FAAH2: variants seen among roughly 807,000 people sequenced by gnomAD.
FAAH2 encodes the protein fatty acid amide hydrolase 2, also known as fatty-acid amide hydrolase 2.
In FAAH2, 60 loss-of-function variants were observed where a neutral mutation model predicts 36.9. The ratio of observed to expected loss-of-function variants is 1.63; its 90% CI spans 1.32 to 2.02. FAAH2 has a LOEUF of 2.02. FAAH2 is among the 30% of genes most tolerant of loss of function. FAAH2 has a pLI of 0.00. For synonymous variants in FAAH2, 214 were observed against 143.8 expected (o/e 1.49, Z -3.49); for missense variants, 689 against 397.5 (o/e 1.73, Z -6.23).
intron 4 of FAAH2, among the ~76,000 whole-genome samples, chrX:57,339,824 G>C (rs1390591285): frequency 8.9e-6 from 1 of 111,986 alleles, no homozygotes; most frequent in Non-Finnish European, 1.9e-5. Context: ...TTCAACCTTT[G>C]TGGAAGACAG....
At chrX:57,223,207 C>T in the FAAH2 span, among the ~76,000 whole-genome samples, 4 of 111,636 alleles carry the variant, frequency 3.6e-5, no homozygotes, top group African/African-American at 1.3e-4. Context: ...TTGCAGGGGC[C>T]ACCAAACCCC....
In FAAH2 at chrX:57,393,403, A is replaced by G. The variant is rs1231199594; in HGVS notation, c.996+12374A>G. ...GACCGGAATACTGGGATTTGATGTT[A>G]AGAAACTTTTCTATTCCAATGTCTG... On this transcript the variant is annotated intron_variant, in intron 7 of 10. Transcript: ENST00000374900. The G allele has an allele frequency of 6.6e-6, 5 of 761,817 alleles. No homozygotes were observed. The African/African-American group carries it at 1.0e-4, about 16-fold the overall frequency. 62.8% of individuals were successfully genotyped at this position (761,817 alleles called of 1,213,427 possible).
At chrX:57,226,558 G>T in the FAAH2 span, among the ~76,000 whole-genome samples, 1 of 111,697 alleles carries the variant, frequency 9.0e-6, no homozygotes, top group Non-Finnish European at 1.9e-5. Context: ...GTTTCCTGGT[G>T]CTTCTGTCTC....
At chrX:57,350,354 C>T (rs769742883) in intron 5 of FAAH2, among the ~76,000 whole-genome samples, 16 of 109,809 alleles carry the variant, frequency 1.5e-4, no homozygotes, top group Non-Finnish European at 2.5e-4. Flanking sequence ...ATAGAACTCA[C>T]TAGAAAAGCA....
intron 10 of FAAH2, among the ~76,000 whole-genome samples, chrX:57,450,438 A>G (rs963960125): frequency 3.6e-5 from 4 of 111,545 alleles, no homozygotes; most frequent in African/African-American, 1.3e-4. Context: ...ATTCAGTTGT[A>G]TTCTATCTGA....
intron 10 of FAAH2, among the ~76,000 whole-genome samples, chrX:57,478,913 A>T (rs1475015843): frequency 9.0e-6 from 1 of 111,638 alleles, no homozygotes; most frequent in Non-Finnish European, 1.9e-5. Context: ...GTTTGAAGTC[A>T]GGTAGCATGA....
chrX:57,485,788 T>A (rs944180584), intron 10 of FAAH2, among the ~76,000 whole-genome samples: 36 of 112,233 alleles, frequency 3.2e-4, no homozygotes, highest in African/African-American at 1.1e-3. Flanking sequence ...TTTTAAAAAA[T>A]TATTTGTAAT....
Position 57,432,032 on chromosome X carries a change from G to T in FAAH2, c.1111G>T (p.Gly371Trp). The T allele has an allele frequency of 1.7e-6, 2 of 1,194,486 alleles. No homozygotes were observed. The highest frequency in any genetic ancestry group is 2.3e-6 in the Non-Finnish European group (2 of 886,317). ...IAMMSAKGHD[G>W]KEPVKFVDLL... is the part of the protein sequence containing the mutation. ...AATGATGTCAGCAAAGGGACATGAT[G>T]GGAAGGTATTTTTACCTCTTTCTTT... The change falls in exon 8 of 11, where the codon GGG becomes TGG. Residue 371 changes from glycine (G) to tryptophan (W), a missense_variant. Coordinates refer to ENST00000374900, the MANE Select transcript of FAAH2 (RefSeq NM_174912.4).
In FAAH2 at chrX:57,352,099, T is replaced by TATATATGTGTATATATATGCAC. The variant is rs2054033478; in HGVS notation, c.742+10715_742+10716insGTGTATATATATGCACATATAT. Among the ~76,000 whole-genome samples, 94 of 14,735 alleles carry TATATATGTGTATATATATGCAC rather than the reference T, an allele frequency of 6.4e-3. 4 individuals carry two copies. Among genetic ancestry groups the TATATATGTGTATATATATGCAC allele is most frequent in the African/African-American group, 0.028 (91 of 3,255 alleles). The allele number at this position is 14,735 out of a possible 115,157, so 12.8% of individuals were successfully genotyped here. The stretch of plus-strand genomic sequence containing the variant: ...ATATATGTGTATATATATGCACATA[T>TATATATGTGTATATATATGCAC]ATATATATGTGTATATATATGCACA... On this transcript the variant is annotated intron_variant, in intron 5 of 10. Coordinates refer to ENST00000374900, the MANE Select transcript of FAAH2 (RefSeq NM_174912.4).
intron 7 of FAAH2, among the ~76,000 whole-genome samples, chrX:57,426,996 T>G (rs1386318342): frequency 9.0e-6 from 1 of 111,110 alleles, no homozygotes; most frequent in Non-Finnish European, 1.9e-5. Flanking sequence ...GAACTCTCTC[T>G]AGAATAACCA....
intron 4 of FAAH2, among the ~76,000 whole-genome samples, chrX:57,338,488 T>C (rs934096738): frequency 2.7e-5 from 3 of 111,770 alleles, no homozygotes; most frequent in Admixed American, 9.5e-5. Flanking sequence ...GATTCTTCAG[T>C]TACTTCAGGC....
At chrX:57,435,767 T>C (rs1433740336) in intron 8 of FAAH2, among the ~76,000 whole-genome samples, 1 of 110,976 alleles carries the variant, frequency 9.0e-6, no homozygotes, top group East Asian at 2.8e-4. Context: ...AACTGCGCAC[T>C]CACAGCATTA....
chrX:57,137,458 C>A, the FAAH2 span: 2 of 551,263 alleles, frequency 3.6e-6, no homozygotes. Context: ...TTGGTGGCGG[C>A]CACCCCTCAG....
chrX:57,172,705 T>A, the FAAH2 span, among the ~76,000 whole-genome samples: 1 of 111,826 alleles, frequency 8.9e-6, no homozygotes, highest in African/African-American at 3.3e-5. Context: ...GGTTTTCTCC[T>A]AGAGTCAGGC....
chrX:57,335,963 G>A (rs181530723), intron 4 of FAAH2, among the ~76,000 whole-genome samples: 21 of 111,699 alleles, frequency 1.9e-4, no homozygotes, highest in Non-Finnish European at 3.8e-4. Context: ...AGTTGACACA[G>A]CACATGTTTC....
At chrX:57,206,435 C>T in the FAAH2 span, among the ~76,000 whole-genome samples, 2 of 111,493 alleles carry the variant, frequency 1.8e-5, no homozygotes, top group African/African-American at 6.5e-5. Context: ...TCGAATTTTG[C>T]AAGTGATCAT....
chrX:57,264,578 G>A, the FAAH2 span, among the ~76,000 whole-genome samples: 1 of 112,497 alleles, frequency 8.9e-6, no homozygotes, highest in Non-Finnish European at 1.9e-5. Flanking sequence ...TTATACACTG[G>A]TGGAGGTAGT....
At chrX:57,290,762 T>C (rs1421927051) in intron 1 of FAAH2, among the ~76,000 whole-genome samples, 1 of 111,856 alleles carries the variant, frequency 8.9e-6, no homozygotes, top group Non-Finnish European at 1.9e-5. Flanking sequence ...CCTTATATAT[T>C]GTCTTACTTT....
the FAAH2 span, among the ~76,000 whole-genome samples, chrX:57,230,281 C>T: frequency 1.8e-5 from 2 of 111,904 alleles, no homozygotes; most frequent in Middle Eastern, 4.2e-3. Context: ...TGACATGTGA[C>T]TCAGGAAAAC....
Sources: allele counts gnomAD v4.1 joint callset (sites outside exome capture counted in the v4.1 genomes callset), GRCh38; gene constraint gnomAD v4.1.1; transcripts MANE v1.5; gene names NCBI Gene and HGNC (gene_info 2026-07-23, HGNC 2026-07-21).